The following DLG2 variants were observed in gnomAD, a reference collection of about 807,000 sequenced individuals.
DLG2 encodes the protein disks large homolog 2.
In DLG2, 45 loss-of-function variants were observed where a neutral mutation model predicts 132.5. That is an observed-to-expected ratio of 0.34 (90% confidence interval 0.27 to 0.44). The LOEUF (loss-of-function observed/expected upper bound fraction) is 0.44. DLG2 is among the 20% of genes least tolerant of loss of function. The pLI is 1.00. For synonymous variants in DLG2, 424 were observed against 419.6 expected, an observed-to-expected ratio of 1.01 and a Z score of -0.13; for missense variants, 1,045 against 1,196.9, an observed-to-expected ratio of 0.87 and a Z score of 1.87.
At chr11:84,418,188 G>T (rs986483643) in intron 7 of DLG2, among the ~76,000 whole-genome samples, 1 of 152,052 alleles carries the variant, frequency 6.6e-6, no homozygotes, top group African/African-American at 2.4e-5. Flanking sequence ...TTTGTATGTT[G>T]GGCTCTTATT....
At chr11:85,444,462 T>A (rs1471080583) in intron 3 of DLG2, among the ~76,000 whole-genome samples, 1 of 152,216 alleles carries the variant, frequency 6.6e-6, no homozygotes, top group Non-Finnish European at 1.5e-5. Flanking sequence ...TAGACACATT[T>A]TGGTGGAAAC....
Position 85,341,484 on chromosome 11 carries a change from C to T in DLG2, c.41-56119G>A, listed in dbSNP as rs557384958. ...GTAAAGACAGTTTTATTGTTTCACCCGTTCTTGTGCCTCCAATTGATTTAT... is the reference window on the plus strand; with the variant it reads ...GTAAAGACAGTTTTATTGTTTCACCTGTTCTTGTGCCTCCAATTGATTTAT... On this transcript the variant is annotated intron_variant, in intron 3 of 27. Coordinates refer to ENST00000376104, the MANE Select transcript of DLG2 (RefSeq NM_001142699.3). 3.3e-5 allele frequency among the ~76,000 whole-genome samples: 5 copies of T among 152,134 alleles called. No individual in the cohort carries two copies. In the East Asian group the frequency reaches 5.8e-4, roughly 18 times the overall value.
intron 7 of DLG2, among the ~76,000 whole-genome samples, chr11:84,464,508 G>A (rs2099088890): frequency 6.6e-6 from 1 of 151,024 alleles, no homozygotes. Context: ...TTAAGACCTG[G>A]CTTAAATGGT....
chr11:83,501,384 G>T (rs2094447315), intron 21 of DLG2, among the ~76,000 whole-genome samples: 1 of 152,072 alleles, frequency 6.6e-6, no homozygotes, highest in Non-Finnish European at 1.5e-5. Context: ...TCAGTGTTGG[G>T]CAGGGAGAAT....
intron 18 of DLG2, among the ~76,000 whole-genome samples, chr11:83,771,729 A>T (rs1174441892): frequency 6.6e-6 from 1 of 152,234 alleles, no homozygotes; most frequent in Non-Finnish European, 1.5e-5. Context: ...TGATTATTTT[A>T]AAAATTTGGA....
intron 6 of DLG2, among the ~76,000 whole-genome samples, chr11:84,566,566 G>T (rs1394047302): frequency 6.6e-6 from 1 of 152,068 alleles, no homozygotes; most frequent in Non-Finnish European, 1.5e-5. Flanking sequence ...ATATATAGAA[G>T]ATTTAAGCAC....
intron 7 of DLG2, among the ~76,000 whole-genome samples, chr11:84,352,503 A>G (rs2098583379): frequency 6.6e-6 from 1 of 152,204 alleles, no homozygotes; most frequent in Non-Finnish European, 1.5e-5. Flanking sequence ...GCTAGGCTGA[A>G]CTACATTTCC....
At chr11:84,774,711 A>G (rs2070116453) in intron 6 of DLG2, among the ~76,000 whole-genome samples, 1 of 152,186 alleles carries the variant, frequency 6.6e-6, no homozygotes. Context: ...TCTAGTCAAT[A>G]AATGGTGCTG....
At chr11:84,426,909 A>T (rs2098968452) in intron 7 of DLG2, among the ~76,000 whole-genome samples, 1 of 152,150 alleles carries the variant, frequency 6.6e-6, no homozygotes, top group African/African-American at 2.4e-5. Context: ...GCAGGGGGAC[A>T]ATATTTTATA....
intron 6 of DLG2, among the ~76,000 whole-genome samples, chr11:84,614,380 T>C (rs933714198): frequency 9.9e-5 from 15 of 152,118 alleles, no homozygotes; most frequent in Non-Finnish European, 2.2e-4. Flanking sequence ...AAAGAAGACA[T>C]GTAAAAGCCT....
chr11:83,933,739 T>C (rs1034734598), intron 14 of DLG2, among the ~76,000 whole-genome samples: 8 of 152,152 alleles, frequency 5.3e-5, no homozygotes, highest in African/African-American at 1.9e-4. Flanking sequence ...AAATTCAGTT[T>C]CCTCCCTAAA....
intron 3 of DLG2, among the ~76,000 whole-genome samples, chr11:85,455,571 G>A (rs2092395213): frequency 1.3e-5 from 2 of 152,148 alleles, no homozygotes. Flanking sequence ...CTGAATAAGA[G>A]TGGTGAGAGA....
At chr11:83,582,221 G>A (rs1335795365) in intron 19 of DLG2, among the ~76,000 whole-genome samples, 1 of 152,058 alleles carries the variant, frequency 6.6e-6, no homozygotes, top group Admixed American at 6.6e-5. Context: ...CTCCCAAAGT[G>A]CTGGGATTAT....
At chr11:84,825,116 G>A (rs1332041567) in intron 6 of DLG2, among the ~76,000 whole-genome samples, 1 of 151,860 alleles carries the variant, frequency 6.6e-6, no homozygotes, top group Non-Finnish European at 1.5e-5. Flanking sequence ...AAGAAACAAT[G>A]TTTGGTGGGG....
intron 7 of DLG2, among the ~76,000 whole-genome samples, chr11:84,401,938 T>A (rs1246422571): frequency 6.6e-6 from 1 of 152,194 alleles, no homozygotes; most frequent in African/African-American, 2.4e-5. Flanking sequence ...TGAACTTCCA[T>A]AAAGTATAGA....
chr11:84,816,414 T>C (rs1471904701), intron 6 of DLG2, among the ~76,000 whole-genome samples: 1 of 151,880 alleles, frequency 6.6e-6, no homozygotes, highest in Non-Finnish European at 1.5e-5. Context: ...ACAGAGACTG[T>C]TTTATCTTAA....
rs980302039 is a variant in DLG2, at chr11:83,727,666, A to C, written c.1825+59024T>G. ...AATTTTAATATAGTCCATGTAAAATATAAAATGGGTGGAGTGGATGGAGTG... is the reference window on the plus strand; with the variant it reads ...AATTTTAATATAGTCCATGTAAAATCTAAAATGGGTGGAGTGGATGGAGTG... On this transcript the variant is annotated intron_variant, in intron 18 of 27. Coordinates refer to ENST00000376104, the MANE Select transcript of DLG2 (RefSeq NM_001142699.3). 1.4e-4 allele frequency among the ~76,000 whole-genome samples: 21 copies of C among 152,232 alleles called. 1 individual carries two copies. Among genetic ancestry groups the C allele is most frequent in the Admixed American group, 1.2e-3 (18 of 15,276 alleles).
Position 84,662,786 on chromosome 11 carries a change from C to CA in DLG2, c.358-128056dup, listed in dbSNP as rs752017709. 9.4e-3 allele frequency among the ~76,000 whole-genome samples: 753 copies of CA among 80,184 alleles called. 9 individuals carry two copies. The highest frequency in any genetic ancestry group is 0.034 in the East Asian group (72 of 2,120). The allele number at this position is 80,184 out of a possible 152,430, so 52.6% of individuals were successfully genotyped here. A position where few individuals can be genotyped will look rare whatever the true frequency, so the allele number is the denominator to read the frequency against. ...TGGTCAATAGAGCAAGACTCTGTCA[C>CA]AAAAAAAAAAAAAAAAAAAAAGGCA... On this transcript the variant is annotated intron_variant, in intron 6 of 27. Transcript: ENST00000376104.
intron 3 of DLG2, among the ~76,000 whole-genome samples, chr11:85,376,901 A>T (rs879712470): frequency 3.9e-5 from 6 of 152,142 alleles, no homozygotes; most frequent in Non-Finnish European, 5.9e-5. Flanking sequence ...TATAAGGTAA[A>T]TTTTTTCCAA....
Sources: gnomAD v4.1 joint callset for allele counts (sites outside exome capture counted in the v4.1 genomes callset) on GRCh38, gnomAD v4.1.1 for gene constraint, MANE v1.5 for transcripts, NCBI Gene and HGNC (gene_info 2026-07-23, HGNC 2026-07-21) for gene names.